Variants in BYSL observed in about 807,000 individuals in gnomAD.
BYSL encodes bystin.
In BYSL, 21 loss-of-function variants were observed where a neutral mutation model predicts 45.4. That is an observed-to-expected ratio of 0.46 (90% CI 0.33 to 0.67). BYSL has a LOEUF of 0.67. Among genes scored for constraint, BYSL ranks in the 30% least tolerant of loss-of-function variants. The pLI is 0.02. For synonymous variants in BYSL, 215 were observed against 231.3 expected (o/e 0.93, Z 0.64); for missense variants, 522 against 578.5 (o/e 0.90, Z 1.00).
chr6:41,922,969 C>G (rs2127384213), intron 1 of BYSL, among the ~76,000 whole-genome samples: 1 of 152,262 alleles, frequency 6.6e-6, no homozygotes, highest in South Asian at 2.1e-4. Context: ...CTCTCCCTCC[C>G]CACATCTGAT....
chr6:41,923,265 C>A (rs1044627008), intron 1 of BYSL, among the ~76,000 whole-genome samples: 1 of 152,056 alleles, frequency 6.6e-6, no homozygotes, highest in Non-Finnish European at 1.5e-5. Context: ...CCTCAGCCTC[C>A]CACGTAGCTG....
At chr6:41,930,534 G>T in intron 3 of BYSL, 101 bp from the exon 4 acceptor site, 1 of 1,425,832 alleles carries the variant, frequency 7.0e-7, no homozygotes, top group Non-Finnish European at 9.5e-7. Context: ...TTGTGGGGAT[G>T]CAATGAGTTA....
chr6:41,926,753 C>A (rs1582072311), intron 1 of BYSL, among the ~76,000 whole-genome samples: 1 of 150,744 alleles, frequency 6.6e-6, no homozygotes, highest in Admixed American at 6.6e-5. Flanking sequence ...CCGGCCACTT[C>A]TTGGGTTTAT....
intron 6 of BYSL, 112 bp downstream of exon 6, chr6:41,931,942 G>A (rs957285250): frequency 9.1e-7 from 1 of 1,103,336 alleles, no homozygotes; most frequent in Admixed American, 1.9e-5. Flanking sequence ...CCTTGGGTTT[G>A]TGCTTGTTTA....
At chr6:41,929,964 C>G (rs57385247) in intron 2 of BYSL, among the ~76,000 whole-genome samples, 168 bp from the exon 3 acceptor site, 4,713 of 152,310 alleles carry the variant, frequency 0.031, 124 homozygotes, top group East Asian at 0.064. Flanking sequence ...GTGATTCTGT[C>G]TGTGGTGGAT....
At chr6:41,931,112 C>A in intron 4 of BYSL, among the ~76,000 whole-genome samples, 1 of 80,958 alleles carries the variant, frequency 1.2e-5, no homozygotes, top group African/African-American at 5.8e-5. Flanking sequence ...CCCAGGCATG[C>A]TCAGGGCTAC....
At chr6:41,922,619 TCTC>T (rs920058383) in intron 1 of BYSL, among the ~76,000 whole-genome samples, 14 of 152,178 alleles carry the variant, frequency 9.2e-5, no homozygotes, top group Non-Finnish European at 2.9e-5. Context: ...TGCAACCTCT[TCTC>T]CTCAGTCCTC....
chr6:41,921,170 C>G, upstream of BYSL: 1 of 991,028 alleles, frequency 1.0e-6, no homozygotes, highest in Non-Finnish European at 1.5e-6. Context: ...CCACGCCTTC[C>G]CCAAGGAATG....
At chr6:41,909,659 G>T in the BYSL span, 2 of 1,297,458 alleles carry the variant, frequency 1.5e-6, no homozygotes, top group African/African-American at 1.5e-5. Flanking sequence ...GGGGTGAGGG[G>T]AATCCTCTCA....
chr6:41,914,689 C>T, the BYSL span, among the ~76,000 whole-genome samples: 30 of 151,450 alleles, frequency 2.0e-4, no homozygotes, highest in Admixed American at 1.8e-3. Flanking sequence ...ACTGTACAGC[C>T]GGGCAACGAA....
upstream of BYSL, chr6:41,921,099 C>A (rs1775454793): frequency 3.2e-6 from 5 of 1,558,938 alleles, no homozygotes; most frequent in Non-Finnish European, 4.4e-6. Flanking sequence ...CCTTCAGTTC[C>A]CCAACACAAC....
chr6:41,917,648 G>C, upstream of BYSL: 1 of 414,594 alleles, frequency 2.4e-6, no homozygotes, highest in South Asian at 1.7e-5. Flanking sequence ...GCGTTCTCAA[G>C]TGTGGCATGC....
In BYSL at chr6:41,924,516, T is replaced by C. The variant is rs988361644; in HGVS notation, c.268+2686T>C. 2.0e-5 allele frequency among the ~76,000 whole-genome samples: 3 copies of C among 152,224 alleles called. No homozygotes were observed. The South Asian group carries it at 6.2e-4, about 32-fold the overall frequency. ...TGTAAGCTGTATAGAACAAAGTCTT[T>C]TGGTTTCGGTTGTTCGTGGATATAT... On this transcript the variant is annotated intron_variant, in intron 1 of 6. Coordinates refer to ENST00000230340, the MANE Select transcript of BYSL (RefSeq NM_004053.4).
At chr6:41,921,063 G>C (rs1186160548), upstream of BYSL, 2 of 1,607,120 alleles carry the variant, frequency 1.2e-6, no homozygotes, top group Admixed American at 3.4e-5. Flanking sequence ...TAGAAACGCA[G>C]GGTTCCCTGT....
chr6:41,932,819 A>T lies in BYSL; in HGVS notation c.*113A>T. 4 of 1,130,932 alleles carry T rather than the reference A, an allele frequency of 3.5e-6. No homozygotes were observed. The highest frequency in any genetic ancestry group is 4.9e-6 in the Non-Finnish European group (4 of 809,204). The allele number at this position is 1,130,932 out of a possible 1,614,324, so 70.1% of individuals were successfully genotyped here. On this transcript the variant is annotated 3_prime_UTR_variant, in exon 7 of 7. Coordinates refer to ENST00000230340, the MANE Select transcript of BYSL (RefSeq NM_004053.4). This position sits in a 1 kb window ranked among gnomAD's most constrained non-coding sequence, Gnocchi z 4.7. ...GCTGAAGACCCAGATCAGGGCAGTG[A>T]CAGATCACAGGGACATCTGTGGCTC...
chr6:41,930,593 A>C lies in BYSL; in HGVS notation c.571-42A>C, dbSNP rs770779079. 3 of 1,579,002 alleles carry C rather than the reference A, an allele frequency of 1.9e-6. No individual in the cohort carries two copies. In the African/African-American group the frequency reaches 4.1e-5, roughly 21 times the overall value. ...GTTCCTAGCCCACAGCAAGCTTGCC[A>C]TATGTGGATGACGATGATTGTTTTA... is the stretch of plus-strand genomic sequence containing the variant. On this transcript the variant is annotated intron_variant, in intron 3 of 6. Transcript: ENST00000230340.
At position 41,932,530 on chromosome 6, in the gene BYSL, C is replaced by T. The variant is rs1474665207; in HGVS notation, c.1138C>T (p.Gln380Ter). ...EKRELPVLWH[Q>*]CLLTLVQRYK... ...GCGTGAACTGCCTGTGCTGTGGCAC[C>T]AGTGCCTCCTGACTTTGGTCCAGCG... The change falls in exon 7 of 7, where the codon CAG (glutamine) becomes TAG (stop). Residue 380 changes from glutamine to a stop codon, truncating the protein, a stop_gained. Coordinates refer to ENST00000230340, the MANE Select transcript of BYSL (RefSeq NM_004053.4). LOFTEE classifies it high-confidence loss of function. This position sits in a 1 kb window ranked among gnomAD's most constrained non-coding sequence, Gnocchi z 4.7. The T allele has an allele frequency of 6.2e-7, 1 of 1,614,080 alleles. No homozygotes were observed.
chr6:41,932,840 G>A lies in BYSL; in HGVS notation c.*134G>A. 1.0e-6 allele frequency: 1 copy of A among 954,184 alleles called. No individual in the cohort carries two copies. Among genetic ancestry groups the A allele is most frequent in the Non-Finnish European group, 1.5e-6 (1 of 655,112 alleles). The allele number at this position is 954,184 out of a possible 1,614,324, so 59.1% of individuals were successfully genotyped here. ...AGTGACAGATCACAGGGACATCTGT[G>A]GCTCCCAGTCCAGGACAGGAAGGAC... On this transcript the variant is annotated 3_prime_UTR_variant, in exon 7 of 7. Coordinates refer to ENST00000230340, the MANE Select transcript of BYSL (RefSeq NM_004053.4). The surrounding 1 kb of genome is among the most constrained non-coding windows in gnomAD (Gnocchi z 4.7).
At chr6:41,917,860 T>C (rs1261376124), upstream of BYSL, 1 of 447,566 alleles carries the variant, frequency 2.2e-6, no homozygotes, top group East Asian at 7.3e-5. Context: ...GACTAGTGTA[T>C]TGGACACTGT....
Sources: allele counts gnomAD v4.1 joint callset (sites outside exome capture counted in the v4.1 genomes callset), GRCh38; gene constraint gnomAD v4.1.1; non-coding constraint Gnocchi (gnomAD v3.1); transcripts MANE v1.5; gene names NCBI Gene and HGNC (gene_info 2026-07-23, HGNC 2026-07-21).